CYFIP2: variants seen among roughly 807,000 people sequenced by gnomAD.
CYFIP2 encodes cytoplasmic FMR1-interacting protein 2.
A neutral mutation model predicts 158.7 loss-of-function variants in CYFIP2; 29 were observed. That is an observed-to-expected ratio of 0.18 (90% confidence interval 0.14 to 0.25). CYFIP2 has a LOEUF of 0.25. CYFIP2 is among the 10% of genes least tolerant of loss of function. The probability of loss-of-function intolerance (pLI) is 1.00; values close to 1 mark genes in which losing one functional copy is unlikely to be tolerated. For missense variants in CYFIP2, 852 were observed against 1,639.5 expected, an observed-to-expected ratio of 0.52 and a Z score of 8.29; for synonymous variants, 585 against 617.6, an observed-to-expected ratio of 0.95 and a Z score of 0.78.
intron 15 of CYFIP2, chr5:157,323,023 C>T: frequency 6.5e-7 from 1 of 1,536,032 alleles, no homozygotes; most frequent in Non-Finnish European, 8.7e-7. Context: ...CCTGGTATCA[C>T]ACCGCCTGGC....
intron 28 of CYFIP2, among the ~76,000 whole-genome samples, chr5:157,386,098 T>A (rs1766656322): frequency 2.0e-5 from 3 of 152,178 alleles, no homozygotes; most frequent in African/African-American, 7.2e-5. Flanking sequence ...AATACAATGT[T>A]AACACACACG....
chr5:157,375,173 A>C (rs1765344058), intron 26 of CYFIP2, among the ~76,000 whole-genome samples: 1 of 152,194 alleles, frequency 6.6e-6, no homozygotes, highest in Non-Finnish European at 1.5e-5. Flanking sequence ...AAAGAAGATG[A>C]TTGCCTGGTA....
rs538697439 is a variant in CYFIP2 at position 157,395,457 on chromosome 5, AAAT to A, written c.*2461_*2463del. Reference sequence around the variant, plus strand: ...TGGTGACATATTTACGCTTGTGATCAAATAATGATGTTAAATTCTTAAATCATA... The same window carrying A: ...TGGTGACATATTTACGCTTGTGATCAAATGATGTTAAATTCTTAAATCATA... On this transcript the variant is annotated 3_prime_UTR_variant, in exon 31 of 31. Coordinates refer to ENST00000620254, the MANE Select transcript of CYFIP2 (RefSeq NM_001037333.3). 7.0e-4 allele frequency: 311 copies of A among 441,876 alleles called. 2 individuals are homozygous for A. Among genetic ancestry groups the A allele is most frequent in the African/African-American group, 5.7e-3 (273 of 48,194 alleles). 27.4% of individuals were successfully genotyped at this position (441,876 alleles called of 1,614,324 possible). A position where few individuals can be genotyped will look rare whatever the true frequency, so the allele number is the denominator to read the frequency against.
chr5:157,281,814 C>T (rs1333809679), intron 1 of CYFIP2, among the ~76,000 whole-genome samples: 1 of 152,112 alleles, frequency 6.6e-6, no homozygotes, highest in Non-Finnish European at 1.5e-5. Context: ...TAACTGTTTT[C>T]CCTTCTTTTC....
At chr5:157,289,658 C>A (rs1282496056) in intron 3 of CYFIP2, among the ~76,000 whole-genome samples, 1 of 152,144 alleles carries the variant, frequency 6.6e-6, no homozygotes, top group Non-Finnish European at 1.5e-5. Flanking sequence ...TAGATCAGGG[C>A]CCTCTCTAAT....
At chr5:157,385,573 G>A (rs1017902200) in intron 28 of CYFIP2, among the ~76,000 whole-genome samples, 3 of 152,086 alleles carry the variant, frequency 2.0e-5, no homozygotes, top group Non-Finnish European at 4.4e-5. Flanking sequence ...TCACCAAGAA[G>A]AAAAACTTGG....
chr5:157,313,252 T>G (rs1470018826), intron 11 of CYFIP2, among the ~76,000 whole-genome samples: 1 of 152,222 alleles, frequency 6.6e-6, no homozygotes, highest in Non-Finnish European at 1.5e-5. Flanking sequence ...TAACCTTGTT[T>G]TATATGTGCT....
chr5:157,315,929 T>C (rs1760108651), intron 13 of CYFIP2, among the ~76,000 whole-genome samples: 1 of 151,950 alleles, frequency 6.6e-6, no homozygotes, highest in Non-Finnish European at 1.5e-5. Context: ...CTACTAAAAA[T>C]ACAAAAACAA....
At chr5:157,322,860 CTCTCTCTCTT>C (rs1760715792) in intron 15 of CYFIP2, 18 of 1,339,364 alleles carry the variant, frequency 1.3e-5, no homozygotes, top group Non-Finnish European at 1.9e-5. Flanking sequence ...TTTTCTCTCT[CTCTCTCTCTT>C]TCTCTCTCTC....
intron 26 of CYFIP2, among the ~76,000 whole-genome samples, chr5:157,368,234 TTTAAA>T (rs1764613542): frequency 1.3e-5 from 2 of 152,238 alleles, no homozygotes; most frequent in Admixed American, 1.3e-4. Flanking sequence ...CTTTTTAGAC[TTTAAA>T]TTATTGTTTA....
intron 1 of CYFIP2, among the ~76,000 whole-genome samples, chr5:157,283,727 C>T (rs1432710839): frequency 6.6e-6 from 1 of 152,172 alleles, no homozygotes; most frequent in African/African-American, 2.4e-5. Flanking sequence ...AGTGAAGGCT[C>T]AGCCCCAGTC....
chr5:157,300,656 T>TG lies in CYFIP2; in HGVS notation c.388-57dup. The TG allele has an allele frequency of 3.0e-6, 4 of 1,348,708 alleles. No individual in the cohort carries two copies. In the South Asian group the frequency reaches 8.2e-5, roughly 28 times the overall value. 83.5% of individuals were successfully genotyped at this position (1,348,708 alleles called of 1,614,324 possible). On this transcript the variant is annotated intron_variant, in intron 5 of 30. Coordinates refer to ENST00000620254, the MANE Select transcript of CYFIP2 (RefSeq NM_001037333.3). Reference sequence around the variant, plus strand: ...CTCTGAGGAGGGCCCTAGAGGAGCCTGGACCCTGCCCCCATAAGGGAGCAC... The same window carrying TG: ...CTCTGAGGAGGGCCCTAGAGGAGCCTGGGACCCTGCCCCCATAAGGGAGCAC...
intron 7 of CYFIP2, 115 bp downstream of exon 7, chr5:157,303,005 T>C (rs768720205): frequency 8.0e-6 from 6 of 750,928 alleles, no homozygotes; most frequent in Non-Finnish European, 1.1e-5. Context: ...AGCTTCCATC[T>C]CCACTGCCCT....
Position 157,361,979 on chromosome 5 carries a change from GT to G in CYFIP2, c.3039+386del, listed in dbSNP as rs1276824255. Among the ~76,000 whole-genome samples the G allele has an allele frequency of 6.6e-6, 1 of 152,214 alleles. No homozygotes were observed. The highest frequency in any genetic ancestry group is 1.5e-5 in the Non-Finnish European group (1 of 68,030). On this transcript the variant is annotated intron_variant, in intron 26 of 30. Transcript: ENST00000620254. This position sits in a 1 kb window ranked among gnomAD's most constrained non-coding sequence, Gnocchi z 4.4. ...CCTCTCCAATGGCTTGCAAACAAGG[GT>G]TTTTAAAGGCAGGGGTAAATTTCAG...
At chr5:157,374,566 G>A (rs561355724) in intron 26 of CYFIP2, among the ~76,000 whole-genome samples, 14 of 152,238 alleles carry the variant, frequency 9.2e-5, no homozygotes, top group East Asian at 3.9e-4. Flanking sequence ...GAAACTGCCC[G>A]TTGTTCCAGC....
At chr5:157,332,366 G>A (rs750251634) in intron 20 of CYFIP2, among the ~76,000 whole-genome samples, 5 of 152,120 alleles carry the variant, frequency 3.3e-5, no homozygotes, top group African/African-American at 9.7e-5. Context: ...TATACAGTGC[G>A]TATGTTTGTG....
In CYFIP2 at chr5:157,390,404, T is replaced by G. The variant is rs527890846; in HGVS notation, c.3447-117T>G. The G allele has an allele frequency of 2.4e-5, 23 of 960,156 alleles. No individual in the cohort carries two copies. The East Asian group carries it at 5.8e-4, about 24-fold the overall frequency. 59.5% of individuals were successfully genotyped at this position (960,156 alleles called of 1,614,324 possible). On this transcript the variant is annotated intron_variant, in intron 29 of 30. Transcript: ENST00000620254. ...GTACCCATTTTATAGGTTAAGAGACTTGGCCCAAAGACAGGCCTGCTTAGT... is the reference window on the plus strand; with the variant it reads ...GTACCCATTTTATAGGTTAAGAGACGTGGCCCAAAGACAGGCCTGCTTAGT...
intron 11 of CYFIP2, among the ~76,000 whole-genome samples, chr5:157,312,974 A>C (rs1759862713): frequency 6.6e-6 from 1 of 152,208 alleles, no homozygotes; most frequent in South Asian, 2.1e-4. Context: ...AGCCTCCCCA[A>C]GTGCTGGGAT....
At position 157,311,629 on chromosome 5, in the gene CYFIP2, T is replaced by C; in HGVS notation, c.993-35T>C. The stretch of plus-strand genomic sequence containing the variant: ...CCTGTTCCACCCAGGCGCCTGAGGC[T>C]GGGACCCTCTCCGACCCCATAATTT... On this transcript the variant is annotated intron_variant, in intron 10 of 30. Transcript: ENST00000620254. This position sits in a 1 kb window ranked among gnomAD's most constrained non-coding sequence, Gnocchi z 4.7. The C allele has an allele frequency of 6.4e-7, 1 of 1,562,198 alleles. No individual in the cohort carries two copies.
Sources: gnomAD v4.1 joint callset for allele counts (sites outside exome capture counted in the v4.1 genomes callset) on GRCh38, gnomAD v4.1.1 for gene constraint, Gnocchi (gnomAD v3.1) non-coding constraint, MANE v1.5 for transcripts, NCBI Gene and HGNC (gene_info 2026-07-23, HGNC 2026-07-21) for gene names.